The following C1orf105 variants were observed in gnomAD, a reference collection of about 807,000 sequenced individuals.
C1orf105 encodes chromosome 1 open reading frame 105, also known as uncharacterized protein C1orf105.
C1orf105 carries 17 observed loss-of-function variants against 20.8 expected under a neutral mutation model. The ratio of observed to expected loss-of-function variants is 0.82; its 90% CI spans 0.56 to 1.23. The LOEUF (loss-of-function observed/expected upper bound fraction) is 1.23. C1orf105 is among the 50% of genes most tolerant of loss of function. The probability of loss-of-function intolerance (pLI) is 0.00; values close to 1 mark genes in which losing one functional copy is unlikely to be tolerated. For synonymous variants in C1orf105, 72 were observed against 72.1 expected (o/e 1.00, Z 0.01); for missense variants, 219 against 213.5 (o/e 1.03, Z -0.16).
chr1:172,432,549 A>G (rs1205603512), intron 1 of C1orf105, among the ~76,000 whole-genome samples: 1 of 152,214 alleles, frequency 6.6e-6, no homozygotes, highest in Non-Finnish European at 1.5e-5. Context: ...AAAACTAACA[A>G]ACAAAAAGGA....
At chr1:172,461,385 G>T in intron 4 of C1orf105, among the ~76,000 whole-genome samples, 2 of 152,202 alleles carry the variant, frequency 1.3e-5, no homozygotes, top group Non-Finnish European at 2.9e-5. Flanking sequence ...GTCACTTAGT[G>T]AGTAGAGTAG....
At chr1:172,428,050 GC>G (rs1001190351) in intron 1 of C1orf105, among the ~76,000 whole-genome samples, 1 of 152,002 alleles carries the variant, frequency 6.6e-6, no homozygotes, top group Non-Finnish European at 1.5e-5. Flanking sequence ...CCATCCCTCT[GC>G]CCCCACCTCA....
intron 3 of C1orf105, among the ~76,000 whole-genome samples, chr1:172,454,655 C>T (rs1447309634): frequency 6.6e-6 from 1 of 152,054 alleles, no homozygotes; most frequent in African/African-American, 2.4e-5. Flanking sequence ...GGGCTTGCAA[C>T]ACCCTCACCA....
rs145983660 is a variant in C1orf105 at position 172,459,939 on chromosome 1, C to G, written c.274-2239C>G. Among the ~76,000 whole-genome samples, 1,020 of 152,100 alleles carry G rather than the reference C, an allele frequency of 6.7e-3. 3 individuals are homozygous for G. Among genetic ancestry groups the G allele is most frequent in the Admixed American group, 0.022 (331 of 15,290 alleles). ...AAACATTTTGCTAAGTAAAAGAAAC[C>G]AGATGCAAAAGATCACATATTATAC... On this transcript the variant is annotated intron_variant, in intron 4 of 6. Transcript: ENST00000367727.
At chr1:172,434,192 T>C (rs9425610) in intron 1 of C1orf105, among the ~76,000 whole-genome samples, 133,674 of 152,256 alleles carry the variant, frequency 0.88, 59,171 homozygotes, top group East Asian at 1. Context: ...TTAGACAGAT[T>C]AACGAGACAA....
intron 1 of C1orf105, among the ~76,000 whole-genome samples, chr1:172,426,955 G>A (rs1379808830): frequency 6.6e-6 from 1 of 152,134 alleles, no homozygotes; most frequent in Non-Finnish European, 1.5e-5. Context: ...ACTGTACATG[G>A]TCTGGAAAGC....
chr1:172,442,580 G>A, intron 1 of C1orf105: 1 of 1,613,970 alleles, frequency 6.2e-7, no homozygotes, highest in Non-Finnish European at 8.5e-7. Flanking sequence ...AAGACCTTCT[G>A]CCACTTGACC....
In C1orf105 at chr1:172,445,109, A is replaced by G; in HGVS notation, c.58A>G (p.Ser20Gly). The G allele has an allele frequency of 6.2e-7, 1 of 1,613,846 alleles. No individual in the cohort carries two copies. The highest frequency in any genetic ancestry group is 2.2e-5 in the East Asian group (1 of 44,874). Residue 20 changes from serine (S) to glycine (G), a missense_variant, in exon 2 of 7, where the codon AGT (serine) becomes GGT (glycine). Physicochemically the swap from Ser to Gly is moderately conservative, Grantham distance 56 (BLOSUM62 0). Coordinates refer to ENST00000367727, the MANE Select transcript of C1orf105 (RefSeq NM_139240.4). ...AAAATTTGACAAGATTCCTTGGCTT[A>G]GTGAGGCCAGCCTTGTAAACAAGCC... ...VPKFDKIPWL[S>G]EASLVNKPLV... is the part of the protein sequence containing the mutation.
Position 172,468,598 on chromosome 1 carries a change from G to T in C1orf105, c.*4G>T. The T allele has an allele frequency of 6.2e-6, 10 of 1,612,380 alleles. No individual in the cohort carries two copies. Among genetic ancestry groups the T allele is most frequent in the Non-Finnish European group, 8.5e-6 (10 of 1,178,888 alleles). The stretch of plus-strand genomic sequence containing the variant: ...AGGCAAGACAACGAGGCAGTGAGCG[G>T]TAGGAGCTCATCACCTCCCAGACTC... On this transcript the variant is annotated 3_prime_UTR_variant, in exon 7 of 7. Coordinates refer to ENST00000367727, the MANE Select transcript of C1orf105 (RefSeq NM_139240.4).
intron 1 of C1orf105, among the ~76,000 whole-genome samples, chr1:172,432,292 T>C (rs1011338200): frequency 1.3e-5 from 2 of 152,202 alleles, no homozygotes; most frequent in South Asian, 2.1e-4. Flanking sequence ...CCTCCTCAAT[T>C]GGGTTCCTGA....
At chr1:172,461,446 A>G (rs2149191423) in intron 4 of C1orf105, among the ~76,000 whole-genome samples, 1 of 152,354 alleles carries the variant, frequency 6.6e-6, no homozygotes, top group South Asian at 2.1e-4. Flanking sequence ...TATTATAGCT[A>G]CAATAATTTT....
Position 172,423,499 on chromosome 1 carries a change from A to G in C1orf105, c.21+2593A>G, listed in dbSNP as rs894253826. Among the ~76,000 whole-genome samples, 3 of 152,250 alleles carry G rather than the reference A, an allele frequency of 2.0e-5. No homozygotes were observed. The East Asian group carries it at 5.8e-4, about 30-fold the overall frequency. On this transcript the variant is annotated intron_variant, in intron 1 of 6. Coordinates refer to ENST00000367727, the MANE Select transcript of C1orf105 (RefSeq NM_139240.4). Reference sequence around the variant, plus strand: ...TAGATCATAACACCCAAGTCCCTTCAAATACCTGGAAAACATTCCGAAGAA... The same window carrying G: ...TAGATCATAACACCCAAGTCCCTTCGAATACCTGGAAAACATTCCGAAGAA...
In C1orf105 at chr1:172,464,404, G is replaced by A. The variant is rs1193800343; in HGVS notation, c.342-895G>A. Among the ~76,000 whole-genome samples, 3 of 152,168 alleles carry A rather than the reference G, an allele frequency of 2.0e-5. No homozygotes were observed. In the East Asian group the frequency reaches 5.8e-4, roughly 29 times the overall value. ...AAGCAGAAACCATGAAATGAATGTA[G>A]AGCCTTAGATGGCCCATCAAAGTTT... On this transcript the variant is annotated intron_variant, in intron 5 of 6. Transcript: ENST00000367727.
At chr1:172,426,855 T>C (rs1048885703) in intron 1 of C1orf105, among the ~76,000 whole-genome samples, 1 of 152,216 alleles carries the variant, frequency 6.6e-6, no homozygotes. Context: ...CATGCATATA[T>C]ACCTGTCTCC....
chr1:172,462,786 T>G (rs1193842344), intron 5 of C1orf105, among the ~76,000 whole-genome samples: 1 of 152,176 alleles, frequency 6.6e-6, no homozygotes, highest in Non-Finnish European at 1.5e-5. Flanking sequence ...TGGTTTTTTC[T>G]TTTTGAGATG....
chr1:172,465,308 T>C lies in C1orf105; in HGVS notation c.351T>C (p.Leu117=), dbSNP rs1649964785. 3 of 1,612,506 alleles carry C rather than the reference T, an allele frequency of 1.9e-6. No individual in the cohort carries two copies. The highest frequency in any genetic ancestry group is 1.7e-6 in the Non-Finnish European group (2 of 1,178,664). ...TGTTTCTTCCAATCAGAATGAGTCT[T>C]CATCAACCCAAATTCCAGACTACAC... The part of the protein sequence containing the change: ...FENCMSYRMS[L]HQPKFQTTPE... Residue 117 remains leucine (L), a synonymous_variant, in exon 6 of 7, where the codon CTT becomes CTC. Transcript: ENST00000367727.
intron 3 of C1orf105, among the ~76,000 whole-genome samples, chr1:172,455,852 C>T (rs1649173983): frequency 6.6e-6 from 1 of 152,018 alleles, no homozygotes; most frequent in African/African-American, 2.4e-5. Flanking sequence ...TACAGAAGGG[C>T]CAAATGGTGC....
chr1:172,452,114 G>T, intron 3 of C1orf105, among the ~76,000 whole-genome samples: 1 of 152,024 alleles, frequency 6.6e-6, no homozygotes, highest in East Asian at 1.9e-4. Flanking sequence ...CTCATGATCC[G>T]CCTGCCTTGG....
At position 172,442,729 on chromosome 1, in the gene C1orf105, T is replaced by C. The variant is rs1647464204; in HGVS notation, c.22-2344T>C. ...AAATGAGACCTCCCTGGAAATTCCA[T>C]GCTGTGTTGATGTTCTACCAACCTT... On this transcript the variant is annotated intron_variant, in intron 1 of 6. Coordinates refer to ENST00000367727, the MANE Select transcript of C1orf105 (RefSeq NM_139240.4). 4.1e-6 allele frequency: 4 copies of C among 965,930 alleles called. No individual in the cohort carries two copies. The South Asian group carries it at 6.2e-5, about 15-fold the overall frequency. 59.8% of individuals were successfully genotyped at this position (965,930 alleles called of 1,614,324 possible).
Sources: gnomAD v4.1 joint callset for allele counts (sites outside exome capture counted in the v4.1 genomes callset) on GRCh38, gnomAD v4.1.1 for gene constraint, MANE v1.5 for transcripts, NCBI Gene and HGNC (gene_info 2026-07-23, HGNC 2026-07-21) for gene names.